The following MAST3 variants were observed in gnomAD, a reference collection of about 807,000 sequenced individuals.
The protein encoded by MAST3 is microtubule associated serine/threonine kinase 3.
Under a neutral mutation model 127.0 loss-of-function variants are expected in MAST3, and 43 were observed. That is an observed-to-expected ratio of 0.34 (90% CI 0.27 to 0.44). MAST3 has a LOEUF of 0.44. MAST3 is among the 20% of genes least tolerant of loss of function. MAST3 has a pLI of 1.00. For missense variants in MAST3, 1,390 were observed against 1,919.1 expected, an observed-to-expected ratio of 0.72 and a Z score of 5.15; for synonymous variants, 785 against 809.2, an observed-to-expected ratio of 0.97 and a Z score of 0.51.
intron 1 of MAST3, among the ~76,000 whole-genome samples, chr19:18,103,614 G>T (rs573614046): frequency 1.3e-5 from 2 of 152,068 alleles, no homozygotes; most frequent in Non-Finnish European, 2.9e-5. Flanking sequence ...TATTATTCAC[G>T]TCTTGATCAT....
Position 18,112,612 on chromosome 19 carries a change from G to A in MAST3, c.161+1871G>A, listed in dbSNP as rs973360001. Among the ~76,000 whole-genome samples, 8 of 152,198 alleles carry A rather than the reference G, an allele frequency of 5.3e-5. No homozygotes were observed. Among genetic ancestry groups the A allele is most frequent in the African/African-American group, 1.9e-4 (8 of 41,460 alleles). On this transcript the variant is annotated intron_variant, in intron 3 of 27. Transcript: ENST00000687212. This position sits in a 1 kb window ranked among gnomAD's most constrained non-coding sequence, Gnocchi z 4.1. ...GGCCTCTCAAAGTGCTGGGATTACAGGCATGAACCACCAAGCCTGGCCTAA... is the reference window on the plus strand; with the variant it reads ...GGCCTCTCAAAGTGCTGGGATTACAAGCATGAACCACCAAGCCTGGCCTAA...
At position 18,122,799 on chromosome 19, in the gene MAST3, T is replaced by C. The variant is rs82554; in HGVS notation, c.399+48T>C. On this transcript the variant is annotated intron_variant, in intron 6 of 27. Transcript: ENST00000687212. ...AGGTGGACAGGCAGATGCCGGGTTG[T>C]GGGGGGACACATCTTTGTGTGTTTT... The C allele has an allele frequency of 3.5e-5, 54 of 1,561,062 alleles. No homozygotes were observed. The African/African-American group carries it at 6.6e-4, about 19-fold the overall frequency.
At chr19:18,128,589 G>C (rs903170827) in intron 12 of MAST3, 131 bp downstream of exon 12, 4 of 999,020 alleles carry the variant, frequency 4.0e-6, no homozygotes, top group Non-Finnish European at 5.9e-6. Context: ...TTGGAGGCAA[G>C]GTGACGGCAC....
Position 18,124,212 on chromosome 19 carries a change from A to G in MAST3, c.844-53A>G, listed in dbSNP as rs915807118. On this transcript the variant is annotated intron_variant, in intron 9 of 27. Transcript: ENST00000687212. ...GGGACGTGGAGTGAGGGGGGTCCCC[A>G]GGCCAGACGGTGCTGAGGACCTGTG... The G allele has an allele frequency of 1.1e-5, 18 of 1,589,260 alleles. No homozygotes were observed. The African/African-American group carries it at 2.3e-4, about 20-fold the overall frequency.
chr19:18,119,504 A>G (rs560117577), intron 3 of MAST3, among the ~76,000 whole-genome samples: 20 of 152,222 alleles, frequency 1.3e-4, no homozygotes, highest in Non-Finnish European at 2.8e-4. Context: ...TCAGTTTCCC[A>G]GTCTGGAAAA....
chr19:18,147,719 C>T (rs770278979), intron 27 of MAST3, 95 bp downstream of exon 27: 34 of 884,284 alleles, frequency 3.8e-5, no homozygotes, highest in Non-Finnish European at 5.1e-5. Context: ...GATGGAATGA[C>T]ACGATGTAGG....
At chr19:18,115,118 T>C (rs1019374457) in intron 3 of MAST3, among the ~76,000 whole-genome samples, 3 of 151,816 alleles carry the variant, frequency 2.0e-5, no homozygotes, top group South Asian at 2.1e-4. Flanking sequence ...GTGAGAGCAA[T>C]AGGGAGCCAT....
chr19:18,120,921 C>G (rs960778981), intron 3 of MAST3, among the ~76,000 whole-genome samples: 2 of 152,004 alleles, frequency 1.3e-5, no homozygotes, highest in African/African-American at 4.8e-5. Flanking sequence ...GGGTTCCTCC[C>G]TGTTGGTCAG....
intron 15 of MAST3, among the ~76,000 whole-genome samples, 173 bp from the exon 16 acceptor site, chr19:18,134,406 G>A (rs915991181): frequency 4.6e-5 from 7 of 152,204 alleles, no homozygotes; most frequent in African/African-American, 1.7e-4. Flanking sequence ...GCTGGGTGTG[G>A]TGGTGTGCAC....
At chr19:18,133,824 G>A (rs1015906204) in intron 15 of MAST3, among the ~76,000 whole-genome samples, 5 of 152,082 alleles carry the variant, frequency 3.3e-5, no homozygotes, top group African/African-American at 1.2e-4. Context: ...AAAGTGCTGG[G>A]ATTACAGTTG....
chr19:18,132,058 C>T lies in MAST3; in HGVS notation c.1571+11C>T, dbSNP rs1358046739. ...CCTCAAACCAGACAAGTGAGCTGAG[C>T]TAGCATGAGCGGGGCCTCGCGGAGG... On this transcript the variant is annotated intron_variant, in intron 15 of 27. Transcript: ENST00000687212. 1 of 1,613,616 alleles carries T rather than the reference C, an allele frequency of 6.2e-7. No homozygotes were observed. Among genetic ancestry groups the T allele is most frequent in the African/African-American group, 1.3e-5 (1 of 74,906 alleles).
At chr19:18,126,018 C>T (rs1446525279) in intron 11 of MAST3, among the ~76,000 whole-genome samples, 2 of 151,956 alleles carry the variant, frequency 1.3e-5, no homozygotes, top group Non-Finnish European at 2.9e-5. Flanking sequence ...GAGATCACGC[C>T]ACTGTGCTCT....
intron 11 of MAST3, among the ~76,000 whole-genome samples, chr19:18,126,651 C>T (rs1357917995): frequency 6.6e-6 from 1 of 152,182 alleles, no homozygotes; most frequent in African/African-American, 2.4e-5. Flanking sequence ...TGCCTATAGT[C>T]CTAGCTACTT....
intron 1 of MAST3, among the ~76,000 whole-genome samples, chr19:18,104,071 G>A (rs1415434688): frequency 2.0e-5 from 3 of 151,372 alleles, no homozygotes; most frequent in African/African-American, 7.3e-5. Flanking sequence ...AATTAGCCGG[G>A]TGTGGTGGCA....
chr19:18,132,790 G>A (rs1397618378), intron 15 of MAST3, among the ~76,000 whole-genome samples: 1 of 152,210 alleles, frequency 6.6e-6, no homozygotes, highest in Non-Finnish European at 1.5e-5. Context: ...GTGTGGAGAT[G>A]TGAACATGAG....
At chr19:18,118,149 G>C (rs1468773789) in intron 3 of MAST3, 9 of 985,214 alleles carry the variant, frequency 9.1e-6, no homozygotes, top group Non-Finnish European at 4.8e-6. Context: ...GGCTGCGGCG[G>C]CACAAAGGGA....
chr19:18,102,482 T>C (rs1429304302), intron 1 of MAST3, among the ~76,000 whole-genome samples: 5 of 134,708 alleles, frequency 3.7e-5, no homozygotes, highest in Non-Finnish European at 4.8e-5. Context: ...CCCGGCCACC[T>C]TTTTTTTTTT....
rs901974829 is a variant in MAST3 at position 18,118,042 on chromosome 19, C to T, written c.162-3643C>T. 1.2e-5 allele frequency: 11 copies of T among 920,600 alleles called. No individual in the cohort carries two copies. The East Asian group carries it at 4.7e-4, about 39-fold the overall frequency. The allele number at this position is 920,600 out of a possible 1,614,324, so 57.0% of individuals were successfully genotyped here. ...GCGCGCGCTTCCTTCTCGCCGCCCC[C>T]CCATCCCCGCAGCCCCGTGCGCCCC... is the stretch of plus-strand genomic sequence containing the variant. On this transcript the variant is annotated intron_variant, in intron 3 of 27. Transcript: ENST00000687212.
chr19:18,148,648 A>T (rs1160158234), intron 27 of MAST3, among the ~76,000 whole-genome samples: 1 of 152,068 alleles, frequency 6.6e-6, no homozygotes, highest in African/African-American at 2.4e-5. Context: ...CATGCCTGTA[A>T]TCCCAGCACT....
Sources: allele counts gnomAD v4.1 joint callset (sites outside exome capture counted in the v4.1 genomes callset), GRCh38; gene constraint gnomAD v4.1.1; non-coding constraint Gnocchi (gnomAD v3.1); transcripts MANE v1.5; gene names NCBI Gene and HGNC (gene_info 2026-07-23, HGNC 2026-07-21).